The following CDH10 variants were observed in gnomAD, a reference collection of about 807,000 sequenced individuals.
CDH10 encodes the protein cadherin 10.
CDH10 carries 30 observed loss-of-function variants against 73.1 expected under a neutral mutation model. That is an observed-to-expected ratio of 0.41 (90% CI 0.31 to 0.56). The LOEUF is 0.56. Among genes scored for constraint, CDH10 ranks in the 20% least tolerant of loss-of-function variants. The pLI is 0.27. For missense variants in CDH10, 815 were observed against 973.7 expected, an observed-to-expected ratio of 0.84 and a Z score of 2.17; for synonymous variants, 345 against 348.2, an observed-to-expected ratio of 0.99 and a Z score of 0.10.
chr5:24,556,063 T>C (rs10462251), intron 2 of CDH10, among the ~76,000 whole-genome samples: 127,724 of 152,144 alleles, frequency 0.84, 53,675 homozygotes, highest in East Asian at 0.9. Context: ...CAATATAACT[T>C]ATTGTTGAGA....
intron 2 of CDH10, among the ~76,000 whole-genome samples, chr5:24,570,221 T>C (rs961046669): frequency 2.6e-5 from 4 of 152,134 alleles, no homozygotes; most frequent in African/African-American, 9.7e-5. Context: ...TTGTTTTAAC[T>C]GAAACAATAA....
At chr5:24,566,011 T>G (rs11738375) in intron 2 of CDH10, among the ~76,000 whole-genome samples, 55,927 of 152,024 alleles carry the variant, frequency 0.37, 12,598 homozygotes, top group East Asian at 0.54. Context: ...CCAACTTGGT[T>G]TACAGATCCA....
At chr5:24,632,238 G>T (rs1018680107) in intron 1 of CDH10, among the ~76,000 whole-genome samples, 1 of 151,850 alleles carries the variant, frequency 6.6e-6, no homozygotes, top group African/African-American at 2.4e-5. Flanking sequence ...TATTTATTCT[G>T]CAAAAAACCT....
At chr5:24,555,533 G>A (rs1050692376) in intron 2 of CDH10, among the ~76,000 whole-genome samples, 6 of 152,158 alleles carry the variant, frequency 3.9e-5, no homozygotes, top group South Asian at 4.2e-4. Flanking sequence ...TTGCCCCCTC[G>A]TTCATGGGGG....
At chr5:24,618,253 T>C (rs567330081) in intron 1 of CDH10, among the ~76,000 whole-genome samples, 1 of 152,222 alleles carries the variant, frequency 6.6e-6, no homozygotes, top group Admixed American at 6.5e-5. Flanking sequence ...CTCTGGAAAC[T>C]GCACTCTCAT....
chr5:24,516,245 C>T (rs528068260), intron 5 of CDH10, among the ~76,000 whole-genome samples: 107 of 150,832 alleles, frequency 7.1e-4, no homozygotes, highest in Non-Finnish European at 1.2e-3. Flanking sequence ...CAGGGAGTAT[C>T]CGATGTCAAT....
chr5:24,565,203 G>A (rs73743643), intron 2 of CDH10, among the ~76,000 whole-genome samples: 8,424 of 152,218 alleles, frequency 0.055, 590 homozygotes, highest in African/African-American at 0.16. Flanking sequence ...GAAAGAAAGC[G>A]ATGCAAAATT....
At chr5:24,613,097 C>A (rs1442298975) in intron 1 of CDH10, 1 of 151,386 alleles carries the variant, frequency 6.6e-6, no homozygotes. Context: ...TTAAATAATG[C>A]AATATAGTGA....
At chr5:24,547,890 G>C (rs145847211) in intron 2 of CDH10, among the ~76,000 whole-genome samples, 307 of 152,296 alleles carry the variant, frequency 2.0e-3, no homozygotes, top group Middle Eastern at 0.01. Flanking sequence ...TGCTCTTCAT[G>C]TCAAGCTTAA....
intron 2 of CDH10, among the ~76,000 whole-genome samples, chr5:24,581,949 C>G (rs916757498): frequency 6.6e-6 from 1 of 152,026 alleles, no homozygotes; most frequent in African/African-American, 2.4e-5. Context: ...TTTTAAAATT[C>G]TAAAAATAAG....
chr5:24,620,574 C>A (rs887394191), intron 1 of CDH10, among the ~76,000 whole-genome samples: 2 of 152,138 alleles, frequency 1.3e-5, no homozygotes, highest in Non-Finnish European at 1.5e-5. Context: ...TAAAATCATA[C>A]AAGTTAAACT....
intron 2 of CDH10, among the ~76,000 whole-genome samples, chr5:24,575,399 T>A (rs1016663979): frequency 6.7e-6 from 1 of 148,850 alleles, no homozygotes; most frequent in Non-Finnish European, 1.5e-5. Context: ...GTCTCCTGCA[T>A]CCTCAGTCTG....
intron 2 of CDH10, among the ~76,000 whole-genome samples, chr5:24,563,952 C>A (rs1225100157): frequency 6.6e-6 from 1 of 152,064 alleles, no homozygotes; most frequent in Non-Finnish European, 1.5e-5. Context: ...TCATATTAAT[C>A]TGCTTCTGAA....
rs536869020 is a variant in CDH10 at position 24,599,379 on chromosome 5, T to G, written c.-123-5766A>C. Among the ~76,000 whole-genome samples the G allele has an allele frequency of 1.8e-4, 28 of 152,266 alleles. 1 individual carries two copies. The highest frequency in any genetic ancestry group is 1.2e-3 in the South Asian group (6 of 4,830). The stretch of plus-strand genomic sequence containing the variant: ...TTAGGATTTCCTTCCCAAGATGGTT[T>G]GTCATTGTTCACTTAATTCATTATT... On this transcript the variant is annotated intron_variant, in intron 1 of 11. Transcript: ENST00000264463.
intron 6 of CDH10, among the ~76,000 whole-genome samples, chr5:24,511,034 G>A (rs1036541154): frequency 6.6e-6 from 1 of 152,164 alleles, no homozygotes; most frequent in Non-Finnish European, 1.5e-5. Context: ...ATAAAACAAT[G>A]TGATTATGAT....
intron 5 of CDH10, among the ~76,000 whole-genome samples, chr5:24,517,214 A>T (rs1476695644): frequency 6.6e-6 from 1 of 152,096 alleles, no homozygotes; most frequent in Admixed American, 6.6e-5. Flanking sequence ...GCTTTTTGTA[A>T]ATTTATATTT....
At chr5:24,576,742 T>G (rs1745614340) in intron 2 of CDH10, among the ~76,000 whole-genome samples, 1 of 151,966 alleles carries the variant, frequency 6.6e-6, no homozygotes, top group South Asian at 2.1e-4. Context: ...GGTAATTTTG[T>G]AAATCTACAC....
At chr5:24,603,769 T>C (rs895433555) in intron 1 of CDH10, among the ~76,000 whole-genome samples, 1 of 152,044 alleles carries the variant, frequency 6.6e-6, no homozygotes, top group Non-Finnish European at 1.5e-5. Context: ...AAAGTGTAGA[T>C]AAGATACCTA....
chr5:24,536,173 GAGTA>G (rs909036690), intron 3 of CDH10, among the ~76,000 whole-genome samples: 25 of 152,050 alleles, frequency 1.6e-4, no homozygotes, highest in African/African-American at 5.8e-4. Context: ...AATCACACAG[GAGTA>G]AGTATGTTCT....
Sources: allele counts gnomAD v4.1 joint callset (sites outside exome capture counted in the v4.1 genomes callset), GRCh38; gene constraint gnomAD v4.1.1; transcripts MANE v1.5; gene names NCBI Gene and HGNC (gene_info 2026-07-23, HGNC 2026-07-21).